USP34: variants seen among roughly 807,000 people sequenced by gnomAD.
USP34 encodes ubiquitin carboxyl-terminal hydrolase 34.
In USP34, 70 loss-of-function variants were observed where a neutral mutation model predicts 460.3. That is an observed-to-expected ratio of 0.15 (90% CI 0.13 to 0.19). The LOEUF is 0.19. USP34 is among the 10% of genes least tolerant of loss of function. USP34 has a pLI of 1.00. For missense variants in USP34, 3,985 were observed against 4,236.2 expected (o/e 0.94, Z 1.65); for synonymous variants, 1,647 against 1,405.3 (o/e 1.17, Z -3.85).
At chr2:61,287,165 A>T (rs1046177590) in intron 34 of USP34, among the ~76,000 whole-genome samples, 1 of 152,184 alleles carries the variant, frequency 6.6e-6, no homozygotes, top group African/African-American at 2.4e-5. Flanking sequence ...TTTAACCCCC[A>T]AAATTCCAAA....
Position 61,360,939 on chromosome 2 carries a change from T to C in USP34, c.1251+9382A>G, listed in dbSNP as rs146051610. Among the ~76,000 whole-genome samples, 866 of 152,260 alleles carry C rather than the reference T, an allele frequency of 5.7e-3. 6 individuals are homozygous for C. The highest frequency in any genetic ancestry group is 0.01 in the Middle Eastern group (3 of 294). On this transcript the variant is annotated intron_variant, in intron 10 of 79. Coordinates refer to ENST00000398571, the MANE Select transcript of USP34 (RefSeq NM_014709.4). ...GGCCTCCCCAAAGTGCTGGGATTAA[T>C]AGGCGTGTGCCACCACACCCAGCCT...
Position 61,203,183 on chromosome 2 carries a change from A to G in USP34, c.9465T>C (p.Val3155=). 6.2e-7 allele frequency: 1 copy of G among 1,601,444 alleles called. No individual in the cohort carries two copies. Among genetic ancestry groups the G allele is most frequent in the Non-Finnish European group, 8.5e-7 (1 of 1,173,960 alleles). The part of the protein sequence containing the change: ...YHQFIHLLCR[V]AINCEKFTET... ...CAGTAAATTTTTCACAGTTGATTGC[A>G]ACTCGGCATAATAGATGGATGAACT... Residue 3155 remains valine, a synonymous_variant, in exon 75 of 80, where the codon GTT becomes GTC. Transcript: ENST00000398571.
chr2:61,470,485 G>A (rs934534286), intron 1 of USP34, among the ~76,000 whole-genome samples, 165 bp downstream of exon 1: 120 of 148,002 alleles, frequency 8.1e-4, no homozygotes, highest in African/African-American at 1.5e-3. Context: ...TGGGCCCGAG[G>A]CGCCGCGGCG....
intron 41 of USP34, chr2:61,277,560 T>C (rs188004998): frequency 1.8e-4 from 28 of 152,520 alleles, no homozygotes; most frequent in African/African-American, 6.3e-4. Flanking sequence ...CTATATTCAG[T>C]CAGTCACAGG....
intron 21 of USP34, among the ~76,000 whole-genome samples, chr2:61,324,473 A>G (rs2103709799): frequency 6.6e-6 from 1 of 152,260 alleles, no homozygotes; most frequent in Admixed American, 6.5e-5. Flanking sequence ...CTACAAGCAA[A>G]AATAATAAAA....
intron 2 of USP34, among the ~76,000 whole-genome samples, chr2:61,410,133 T>A (rs540171354): frequency 6.6e-6 from 1 of 152,312 alleles, no homozygotes; most frequent in East Asian, 1.9e-4. Flanking sequence ...ACATTACATC[T>A]ATTGTGCACG....
In USP34 at chr2:61,188,413, A is replaced by G; in HGVS notation, c.10330T>C (p.Tyr3444His). The change falls in exon 80 of 80, where the codon TAT becomes CAT. Residue 3444 changes from tyrosine (Y) to histidine (H), a missense_variant. Coordinates refer to ENST00000398571, the MANE Select transcript of USP34 (RefSeq NM_014709.4). ...TCTTTAAATTCTTTACAATCGTCAT[A>G]TCTACCATTGTTGGACTGTTCTTCT... ...HAEEQSNNGR[Y>H]DDCKEFKDLH... is the part of the protein sequence containing the mutation. 6.2e-7 allele frequency: 1 copy of G among 1,614,202 alleles called. No homozygotes were observed. The highest frequency in any genetic ancestry group is 8.5e-7 in the Non-Finnish European group (1 of 1,180,036).
chr2:61,377,092 C>A (rs1158333897), intron 8 of USP34, among the ~76,000 whole-genome samples: 1 of 152,052 alleles, frequency 6.6e-6, no homozygotes, highest in Non-Finnish European at 1.5e-5. Context: ...AGAATATTGC[C>A]AGAGATGAAT....
At position 61,385,952 on chromosome 2, in the gene USP34, G is replaced by A. The variant is rs570653004; in HGVS notation, c.754-2616C>T. Among the ~76,000 whole-genome samples, 26 of 142,086 alleles carry A rather than the reference G, an allele frequency of 1.8e-4. No individual in the cohort carries two copies. The East Asian group carries it at 2.7e-3, about 15-fold the overall frequency. The allele number at this position is 142,086 out of a possible 152,430, so 93.2% of individuals were successfully genotyped here. A position where few individuals can be genotyped will look rare whatever the true frequency, so the allele number is the denominator to read the frequency against. ...GTGGAGGTTGCAGTAAGCTGAGATC[G>A]TCCCACTGCACTCCAGCCTAGGTGA... On this transcript the variant is annotated intron_variant, in intron 5 of 79. Coordinates refer to ENST00000398571, the MANE Select transcript of USP34 (RefSeq NM_014709.4).
rs375992679 is a variant in USP34, at chr2:61,223,079, T to C, written c.7730A>G (p.Asn2577Ser). 9 of 1,613,232 alleles carry C rather than the reference T, an allele frequency of 5.6e-6. No individual in the cohort carries two copies. Among genetic ancestry groups the C allele is most frequent in the Middle Eastern group, 3.3e-4 (2 of 6,078 alleles). Residue 2577 changes from asparagine (N) to serine (S), a missense_variant, in exon 64 of 80, where the codon AAT becomes AGT. Physicochemically the swap from Asn to Ser is conservative, Grantham distance 46. Around this residue, in one of 14 missense-constraint regions of USP34, gnomAD observed 604 missense variants for 684.8 expected, o/e 0.88. Transcript: ENST00000398571. ...ACTTACATGTTCTGCAAGTCGATTA[T>C]TGTATCGACACAGGCTGAAAATCAG... ...CNLIFSLCRYNNRLAEHIVSM... is the reference protein window; with the variant it reads ...CNLIFSLCRYSNRLAEHIVSM...
chr2:61,356,613 A>G (rs1692115611), intron 10 of USP34, among the ~76,000 whole-genome samples: 1 of 152,190 alleles, frequency 6.6e-6, no homozygotes, highest in Non-Finnish European at 1.5e-5. Flanking sequence ...GCCAGTCACA[A>G]AAGGACAAAT....
At chr2:61,328,729 G>C (rs751106825) in intron 20 of USP34, among the ~76,000 whole-genome samples, 1 of 152,176 alleles carries the variant, frequency 6.6e-6, no homozygotes, top group Non-Finnish European at 1.5e-5. Flanking sequence ...AACAAAGTGA[G>C]TAACTTCACT....
At chr2:61,359,408 T>G (rs901185396) in intron 10 of USP34, among the ~76,000 whole-genome samples, 6 of 152,114 alleles carry the variant, frequency 3.9e-5, no homozygotes, top group Non-Finnish European at 7.4e-5. Flanking sequence ...AGAATAAAGT[T>G]TAATCTTTAC....
chr2:61,309,154 T>C (rs905048093), intron 27 of USP34, among the ~76,000 whole-genome samples: 1 of 152,142 alleles, frequency 6.6e-6, no homozygotes, highest in Non-Finnish European at 1.5e-5. Flanking sequence ...TCTAAAATTG[T>C]GCAACAAAAT....
intron 8 of USP34, among the ~76,000 whole-genome samples, chr2:61,375,420 T>C (rs1360242360): frequency 1.3e-5 from 2 of 152,066 alleles, no homozygotes; most frequent in African/African-American, 2.4e-5. Context: ...TGAAAACATA[T>C]GATCACAAAA....
At chr2:61,353,292 T>TA (rs1346570792) in intron 10 of USP34, among the ~76,000 whole-genome samples, 3 of 152,054 alleles carry the variant, frequency 2.0e-5, no homozygotes, top group Non-Finnish European at 4.4e-5. Flanking sequence ...CTAGAGGTCT[T>TA]AGAGTTGTAC....
rs1183388434 is a variant in USP34 at position 61,311,567 on chromosome 2, G to C, written c.3790C>G (p.Gln1264Glu). 1 of 1,608,054 alleles carries C rather than the reference G, an allele frequency of 6.2e-7. No homozygotes were observed. The highest frequency in any genetic ancestry group is 8.5e-7 in the Non-Finnish European group (1 of 1,178,026). Residue 1264 changes from glutamine (Q) to glutamate (E), a missense_variant, in exon 27 of 80, where the codon CAA becomes GAA. Gln to Glu is a conservative substitution (Grantham distance 29). This residue lies in a region of USP34 where 1,114 missense variants were observed against 1,122.5 expected (regional missense o/e 0.99). Coordinates refer to ENST00000398571, the MANE Select transcript of USP34 (RefSeq NM_014709.4). ...NQQAQLQEFG[Q>E]SNRKGEFPGG... ...GGAAACTCTCCTTTTCGGTTGCTTTGACCAAACTCCTGAAGCTGAGCTTGT... is the reference window on the plus strand; with the variant it reads ...GGAAACTCTCCTTTTCGGTTGCTTTCACCAAACTCCTGAAGCTGAGCTTGT...
rs574950421 is a variant in USP34, at chr2:61,254,994, T to C, written c.6221+1390A>G. Reference sequence around the variant, plus strand: ...CCGAACAGCTGAGACTGTAAGTGCATGCCACGTCTGGCTAATTTCTAAAAC... The same window carrying C: ...CCGAACAGCTGAGACTGTAAGTGCACGCCACGTCTGGCTAATTTCTAAAAC... On this transcript the variant is annotated intron_variant, in intron 48 of 79. Transcript: ENST00000398571. Among the ~76,000 whole-genome samples, 16 of 152,316 alleles carry C rather than the reference T, an allele frequency of 1.1e-4. No homozygotes were observed. In the East Asian group the frequency reaches 2.9e-3, roughly 28 times the overall value.
At chr2:61,395,785 CAAAAAAAAAAAA>C (rs541139131) in intron 3 of USP34, among the ~76,000 whole-genome samples, 26 of 29,360 alleles carry the variant, frequency 8.9e-4, no homozygotes, top group African/African-American at 3.1e-3. Context: ...GACTCCGTCT[CAAAAAAAAAAAA>C]AAAAAAAAAA....
Sources: gnomAD v4.1 joint callset for allele counts (sites outside exome capture counted in the v4.1 genomes callset) on GRCh38, gnomAD v4.1.1 for gene constraint, gnomAD v4.1.1 regional missense constraint, MANE v1.5 for transcripts, NCBI Gene and HGNC (gene_info 2026-07-23, HGNC 2026-07-21) for gene names.